Variants in APBA2 observed in about 807,000 individuals in gnomAD.
The protein encoded by APBA2 is amyloid beta precursor protein binding family A member 2.
Under a neutral mutation model 75.0 loss-of-function variants are expected in APBA2, and 30 were observed. That is an observed-to-expected ratio of 0.40 (90% CI 0.30 to 0.54). The LOEUF is 0.54. APBA2 is among the 20% of genes least tolerant of loss of function. APBA2 has a pLI of 0.49. For synonymous variants in APBA2, 444 were observed against 409.6 expected (o/e 1.08, Z -1.01); for missense variants, 801 against 1,016.1 (o/e 0.79, Z 2.88).
chr15:28,972,303 A>T (rs7171892), intron 2 of APBA2, among the ~76,000 whole-genome samples: 25,716 of 152,146 alleles, frequency 0.17, 5,088 homozygotes, highest in African/African-American at 0.48. Flanking sequence ...TAAAACTGCA[A>T]GTCAAGAAAA....
chr15:28,967,366 T>C (rs1180348197), intron 2 of APBA2, among the ~76,000 whole-genome samples: 1 of 152,248 alleles, frequency 6.6e-6, no homozygotes, highest in Non-Finnish European at 1.5e-5. Flanking sequence ...ATCATCTTGC[T>C]CTGGAACTAG....
intron 1 of APBA2, among the ~76,000 whole-genome samples, chr15:28,887,181 T>C (rs2031802100): frequency 6.6e-6 from 1 of 152,168 alleles, no homozygotes. Flanking sequence ...CATAAATCTG[T>C]GGTTGAGTGC....
chr15:28,956,418 T>C (rs369788071), intron 2 of APBA2, among the ~76,000 whole-genome samples: 1 of 152,096 alleles, frequency 6.6e-6, no homozygotes. Context: ...AGTCAGGGAA[T>C]AGCCAGTGTC....
intron 2 of APBA2, among the ~76,000 whole-genome samples, chr15:28,951,975 A>T (rs2035910625): frequency 7.3e-6 from 1 of 136,624 alleles, no homozygotes; most frequent in South Asian, 2.3e-4. Context: ...TGTAATCTCC[A>T]CCTCATGGGT....
At chr15:28,975,791 A>G (rs1595617986) in intron 2 of APBA2, among the ~76,000 whole-genome samples, 1 of 152,372 alleles carries the variant, frequency 6.6e-6, no homozygotes, top group East Asian at 1.9e-4. Flanking sequence ...TTATAACAAG[A>G]TACCATTTCT....
chr15:29,098,593 G>A lies in APBA2; in HGVS notation c.1338+17G>A, dbSNP rs2043967666. 3.1e-6 allele frequency: 5 copies of A among 1,605,110 alleles called. No homozygotes were observed. Among genetic ancestry groups the A allele is most frequent in the Non-Finnish European group, 4.3e-6 (5 of 1,172,020 alleles). On this transcript the variant is annotated intron_variant, in intron 9 of 14. Transcript: ENST00000683413. The stretch of plus-strand genomic sequence containing the variant: ...GACACGCAGGTAAGCGTTTAAGACA[G>A]TTGTTCAAAATCAGGTAAACTCCTA...
chr15:29,108,440 G>A (rs1424576050), intron 13 of APBA2, 51 bp downstream of exon 13: 1 of 1,612,978 alleles, frequency 6.2e-7, no homozygotes, highest in African/African-American at 1.3e-5. Context: ...AGGGCCCAGG[G>A]AGGGGGAGCA....
In APBA2 at chr15:29,113,992, A is replaced by G. The variant is rs748080399; in HGVS notation, c.2154A>G (p.Gln718=). Residue 718 remains glutamine, a synonymous_variant, in exon 14 of 15, where the codon CAA becomes CAG. Transcript: ENST00000683413. ...CCACAGCCCACGAGAAGATAGTCCAAGCTCTGTCCAACTCGGTCGGAGAGG... is the reference window on the plus strand; with the variant it reads ...CCACAGCCCACGAGAAGATAGTCCAGGCTCTGTCCAACTCGGTCGGAGAGG... ...VVATAHEKIV[Q]ALSNSVGEIH... 6.2e-7 allele frequency: 1 copy of G among 1,613,836 alleles called. No homozygotes were observed. The highest frequency in any genetic ancestry group is 2.2e-5 in the East Asian group (1 of 44,866).
intron 12 of APBA2, among the ~76,000 whole-genome samples, chr15:29,107,629 T>C (rs1054824981): frequency 6.6e-6 from 1 of 152,110 alleles, no homozygotes; most frequent in Non-Finnish European, 1.5e-5. Context: ...CAGAGAGACA[T>C]GGGAGAGGCC....
chr15:28,913,695 G>A (rs2033537205), intron 1 of APBA2, among the ~76,000 whole-genome samples: 1 of 152,198 alleles, frequency 6.6e-6, no homozygotes, highest in African/African-American at 2.4e-5. Flanking sequence ...TGAGACAAGG[G>A]GAGCCCCCAC....
At chr15:28,919,764 G>T (rs2033872228) in intron 1 of APBA2, among the ~76,000 whole-genome samples, 1 of 152,178 alleles carries the variant, frequency 6.6e-6, no homozygotes, top group Admixed American at 6.5e-5. Context: ...TCCCAGATGA[G>T]CCCCGCTCCC....
At chr15:29,086,907 C>T (rs1226977308) in intron 6 of APBA2, among the ~76,000 whole-genome samples, 1 of 152,156 alleles carries the variant, frequency 6.6e-6, no homozygotes, top group Non-Finnish European at 1.5e-5. Flanking sequence ...TCAGTTTCTT[C>T]CCCTATTTAT....
chr15:28,989,779 T>G (rs2038122889), intron 2 of APBA2, among the ~76,000 whole-genome samples: 1 of 152,160 alleles, frequency 6.6e-6, no homozygotes, highest in Admixed American at 6.5e-5. Context: ...CCGCACTCCC[T>G]GGGGTCAGAC....
intron 3 of APBA2, among the ~76,000 whole-genome samples, chr15:29,036,085 G>T (rs999285262): frequency 6.6e-6 from 1 of 152,130 alleles, no homozygotes; most frequent in African/African-American, 2.4e-5. Flanking sequence ...AGAGGTGCCA[G>T]GGTTCATTGC....
chr15:28,897,976 T>C (rs2032609760), intron 1 of APBA2, among the ~76,000 whole-genome samples: 2 of 152,174 alleles, frequency 1.3e-5, no homozygotes, highest in Admixed American at 6.5e-5. Context: ...AATGCCATCC[T>C]CAAGGATCGT....
chr15:29,109,835 A>G (rs2044633585), intron 13 of APBA2, among the ~76,000 whole-genome samples: 1 of 152,198 alleles, frequency 6.6e-6, no homozygotes, highest in Admixed American at 6.5e-5. Context: ...AAAGTACCCC[A>G]AGCTATCCAA....
At chr15:29,080,441 A>G (rs962475406) in intron 6 of APBA2, among the ~76,000 whole-genome samples, 2 of 152,124 alleles carry the variant, frequency 1.3e-5, no homozygotes, top group African/African-American at 4.8e-5. Flanking sequence ...TGGCCTTGTC[A>G]GGCGCAGGAT....
At chr15:28,890,073 A>G (rs926297361) in intron 1 of APBA2, among the ~76,000 whole-genome samples, 11 of 152,164 alleles carry the variant, frequency 7.2e-5, no homozygotes, top group East Asian at 1.9e-4. Context: ...TCCTTGCAGC[A>G]CATGTCCTGC....
chr15:29,060,462 C>T (rs16955020), intron 4 of APBA2, among the ~76,000 whole-genome samples: 1,894 of 152,264 alleles, frequency 0.012, 48 homozygotes, highest in African/African-American at 0.044. Flanking sequence ...GTTCAGTCCG[C>T]GTTTGAGCCT....
Sources: gnomAD v4.1 joint callset for allele counts (sites outside exome capture counted in the v4.1 genomes callset) on GRCh38, gnomAD v4.1.1 for gene constraint, MANE v1.5 for transcripts, NCBI Gene and HGNC (gene_info 2026-07-23, HGNC 2026-07-21) for gene names.